Variants in SLC8A1 observed in about 807,000 individuals in gnomAD.
SLC8A1 encodes the protein sodium/calcium exchanger 1.
In SLC8A1, 18 loss-of-function variants were observed where a neutral mutation model predicts 68.3. That is an observed-to-expected ratio of 0.26 (90% CI 0.18 to 0.39). The LOEUF (loss-of-function observed/expected upper bound fraction) is 0.39, where lower values mean the gene tolerates loss of function less well. SLC8A1 is among the 10% of genes least tolerant of loss of function. SLC8A1 has a pLI of 1.00. For missense variants in SLC8A1, 985 were observed against 1,156.7 expected, an observed-to-expected ratio of 0.85 and a Z score of 2.15; for synonymous variants, 475 against 415.5, an observed-to-expected ratio of 1.14 and a Z score of -1.74.
At chr2:40,193,916 A>G (rs1268532774) in intron 2 of SLC8A1, among the ~76,000 whole-genome samples, 4 of 152,168 alleles carry the variant, frequency 2.6e-5, no homozygotes, top group Non-Finnish European at 5.9e-5. Context: ...AGCTGAATAA[A>G]TAAAGAAAAG....
chr2:40,195,829 A>C (rs1391206168), intron 2 of SLC8A1: 1 of 152,078 alleles, frequency 6.6e-6, no homozygotes, highest in Non-Finnish European at 1.5e-5. Context: ...CTGAAGTGGT[A>C]ATTGAAGGCA....
intron 2 of SLC8A1, chr2:40,223,870 G>C (rs202204382): frequency 6.6e-6 from 1 of 152,056 alleles, no homozygotes; most frequent in Non-Finnish European, 1.5e-5. Flanking sequence ...TTAGAAGTGA[G>C]CATGTTCTAA....
At position 40,365,545 on chromosome 2, in the gene SLC8A1, C is replaced by A. The variant is rs563049243; in HGVS notation, c.1808+62928G>T. Among the ~76,000 whole-genome samples the A allele has an allele frequency of 9.2e-5, 14 of 152,118 alleles. No homozygotes were observed. The South Asian group carries it at 2.3e-3, about 25-fold the overall frequency. ...GCTCAAGAATCACTACGGTTGGGGG[C>A]AAGGTGAGGGGCTCTGAATCCCATT... On this transcript the variant is annotated intron_variant, in intron 2 of 7. Coordinates refer to ENST00000406785, the Ensembl canonical transcript of SLC8A1.
At chr2:40,255,700 T>C (rs887104781) in intron 2 of SLC8A1, among the ~76,000 whole-genome samples, 50 of 152,212 alleles carry the variant, frequency 3.3e-4, no homozygotes, top group African/African-American at 1.2e-3. Flanking sequence ...TGAAAAGAGT[T>C]TGAGGGTATC....
At chr2:40,307,527 A>G (rs1258487961) in intron 2 of SLC8A1, among the ~76,000 whole-genome samples, 1 of 152,238 alleles carries the variant, frequency 6.6e-6, no homozygotes. Context: ...AGTAAATTTT[A>G]TATTTTTTAC....
intron 6 of SLC8A1, among the ~76,000 whole-genome samples, chr2:40,154,479 CTTTTCTTTTTTTTTTT>C (rs1353190787): frequency 3.3e-5 from 1 of 30,044 alleles, no homozygotes; most frequent in Non-Finnish European, 7.4e-5. Context: ...AATTTTTTTT[CTTTTCTTTTTTTTTTT>C]TTTTTGTATT....
At chr2:40,202,638 A>G (rs2054606765) in intron 2 of SLC8A1, among the ~76,000 whole-genome samples, 1 of 152,032 alleles carries the variant, frequency 6.6e-6, no homozygotes, top group South Asian at 2.1e-4. Context: ...ATATGCAGAA[A>G]TCACCAAGGG....
intron 2 of SLC8A1, among the ~76,000 whole-genome samples, chr2:40,402,406 G>A (rs544577401): frequency 2.6e-5 from 4 of 152,294 alleles, no homozygotes; most frequent in Admixed American, 1.3e-4. Flanking sequence ...AGTATAATCA[G>A]TTGAGCAGCC....
At chr2:40,352,328 A>C (rs1225792018) in intron 2 of SLC8A1, among the ~76,000 whole-genome samples, 2 of 152,186 alleles carry the variant, frequency 1.3e-5, no homozygotes, top group Non-Finnish European at 1.5e-5. Context: ...TCCAAAGCTA[A>C]AAATATGCCA....
chr2:40,413,404 A>G (rs1692799406), intron 2 of SLC8A1, among the ~76,000 whole-genome samples: 1 of 152,190 alleles, frequency 6.6e-6, no homozygotes, highest in Admixed American at 6.6e-5. Flanking sequence ...CATATACACC[A>G]TGGAATACTA....
intron 1 of SLC8A1, among the ~76,000 whole-genome samples, chr2:40,469,680 T>C (rs894158560): frequency 8.5e-5 from 13 of 152,170 alleles, no homozygotes; most frequent in Admixed American, 8.5e-4. Context: ...GCTGATTGCA[T>C]TTCTGTGTTT....
chr2:40,260,719 A>C (rs535125086), intron 2 of SLC8A1, among the ~76,000 whole-genome samples: 4 of 152,120 alleles, frequency 2.6e-5, no homozygotes, highest in African/African-American at 9.6e-5. Context: ...TTTCCTTTCA[A>C]AGATAAGAAA....
intron 2 of SLC8A1, among the ~76,000 whole-genome samples, chr2:40,304,978 C>T (rs897150269): frequency 6.6e-6 from 1 of 152,200 alleles, no homozygotes; most frequent in African/African-American, 2.4e-5. Flanking sequence ...CTTTAGAGTG[C>T]ATCTGCATCA....
chr2:40,382,252 A>G (rs1387651994), intron 2 of SLC8A1, among the ~76,000 whole-genome samples: 1 of 151,648 alleles, frequency 6.6e-6, no homozygotes, highest in African/African-American at 2.4e-5. Flanking sequence ...AAGGCATAAC[A>G]GTAGAAGTTC....
chr2:40,165,121 G>T, intron 4 of SLC8A1, 137 bp from the exon 8 acceptor site: 2 of 990,450 alleles, frequency 2.0e-6, no homozygotes, highest in Non-Finnish European at 3.0e-6. Flanking sequence ...TCACGATGCT[G>T]GAGGGAAGAG....
chr2:40,315,843 C>A (rs1052196344), intron 2 of SLC8A1, among the ~76,000 whole-genome samples: 1 of 151,762 alleles, frequency 6.6e-6, no homozygotes, highest in African/African-American at 2.4e-5. Flanking sequence ...TATTAAGAAA[C>A]AAAAGGGGGA....
chr2:40,140,369 C>A (rs1323140866), intron 6 of SLC8A1, among the ~76,000 whole-genome samples: 3 of 152,198 alleles, frequency 2.0e-5, no homozygotes, highest in Non-Finnish European at 2.9e-5. Context: ...CTTCCTCACC[C>A]ATCCTTTAAG....
chr2:40,467,531 C>A, intron 1 of SLC8A1, among the ~76,000 whole-genome samples: 2 of 152,108 alleles, frequency 1.3e-5, no homozygotes, highest in African/African-American at 4.8e-5. Flanking sequence ...ATTGTTGTCT[C>A]CTTTTATGTT....
intron 5 of SLC8A1, among the ~76,000 whole-genome samples, chr2:40,162,970 G>A (rs1199015357): frequency 6.6e-6 from 1 of 152,136 alleles, no homozygotes; most frequent in South Asian, 2.1e-4. Flanking sequence ...TAGTAAAAGA[G>A]ATTTCTTAAA....
Sources: gnomAD v4.1 joint callset for allele counts (sites outside exome capture counted in the v4.1 genomes callset) on GRCh38, gnomAD v4.1.1 for gene constraint, MANE v1.5 for transcripts, NCBI Gene and HGNC (gene_info 2026-07-23, HGNC 2026-07-21) for gene names.